The following RAPGEF1 variants were observed in gnomAD, a reference collection of about 807,000 sequenced individuals.
RAPGEF1 encodes the protein CRK SH3-binding GNRP.
In RAPGEF1, 33 loss-of-function variants were observed where a neutral mutation model predicts 143.3. The ratio of observed to expected loss-of-function variants is 0.23; its 90% CI spans 0.17 to 0.31. RAPGEF1 has a LOEUF of 0.31. Ranked by LOEUF, RAPGEF1 falls within the 10% of genes least tolerant of loss-of-function variation. The probability of loss-of-function intolerance (pLI) is 1.00; values close to 1 mark genes in which losing one functional copy is unlikely to be tolerated. For missense variants in RAPGEF1, 1,199 were observed against 1,645.4 expected (o/e 0.73, Z 4.69); for synonymous variants, 629 against 676.5 (o/e 0.93, Z 1.09).
At chr9:131,683,047 G>A (rs1278823623) in intron 1 of RAPGEF1, among the ~76,000 whole-genome samples, 2 of 152,188 alleles carry the variant, frequency 1.3e-5, no homozygotes, top group Non-Finnish European at 2.9e-5. Flanking sequence ...ACAATGGGGA[G>A]CACAAGTTCT....
intron 1 of RAPGEF1, among the ~76,000 whole-genome samples, chr9:131,688,806 G>A (rs1444183080): frequency 6.6e-6 from 1 of 152,224 alleles, no homozygotes; most frequent in Admixed American, 6.5e-5. Context: ...GCTGAGGCAG[G>A]AGAATCACTC....
chr9:131,587,661 G>A, intron 22 of RAPGEF1, 75 bp downstream of exon 22: 2 of 1,379,182 alleles, frequency 1.5e-6, no homozygotes, highest in South Asian at 2.4e-5. Context: ...CAAGCTCCCT[G>A]CAAAGGAAAA....
intron 1 of RAPGEF1, among the ~76,000 whole-genome samples, chr9:131,654,122 C>T (rs896696691): frequency 2.6e-5 from 4 of 152,038 alleles, no homozygotes; most frequent in South Asian, 2.1e-4. Context: ...TAAGACTGGA[C>T]GGGGCAGAGA....
intron 22 of RAPGEF1, among the ~76,000 whole-genome samples, chr9:131,585,113 AC>A (rs1026734775): frequency 6.6e-6 from 1 of 152,164 alleles, no homozygotes; most frequent in African/African-American, 2.4e-5. Flanking sequence ...CAGGGATGTC[AC>A]CCTGGCCTCA....
chr9:131,594,906 G>A (rs964812292), intron 17 of RAPGEF1, among the ~76,000 whole-genome samples: 5 of 152,158 alleles, frequency 3.3e-5, no homozygotes, highest in African/African-American at 7.2e-5. Context: ...TCAGCCCCTC[G>A]CTGTGGACAA....
rs970992579 is a variant in RAPGEF1 at position 131,641,714 on chromosome 9, G to A, written c.494+1525C>T. 1.3e-5 allele frequency among the ~76,000 whole-genome samples: 2 copies of A among 152,190 alleles called. No individual in the cohort carries two copies. Among genetic ancestry groups the A allele is most frequent in the Non-Finnish European group, 2.9e-5 (2 of 68,032 alleles). On this transcript the variant is annotated intron_variant, in intron 4 of 26. Coordinates refer to ENST00000683357, the MANE Select transcript of RAPGEF1 (RefSeq NM_001377935.1). This position sits in a 1 kb window ranked among gnomAD's most constrained non-coding sequence, Gnocchi z 4.6. ...CAGCACATGCGCTCCTAGGAGCCCA[G>A]CACCGAACACTTCTAAGAGCCGGAG...
rs1438680484 is a variant in RAPGEF1 at position 131,638,705 on chromosome 9, A to G, written c.581T>C (p.Val194Ala). The change falls in exon 5 of 27, where the codon GTG becomes GCG. Residue 194 changes from valine to alanine, a missense_variant. Val to Ala is a moderately conservative substitution (Grantham distance 64). Coordinates refer to ENST00000683357, the MANE Select transcript of RAPGEF1 (RefSeq NM_001377935.1). The stretch of plus-strand genomic sequence containing the variant: ...CACCATCTCCTTGTCTTCTGAGTTC[A>G]CGCCTTCCAGCATCACTTGGTCAGA... ...RWSDQVMLEG[V>A]NSEDKEMVTT... 6 of 1,613,862 alleles carry G rather than the reference A, an allele frequency of 3.7e-6. No homozygotes were observed. Among genetic ancestry groups the G allele is most frequent in the Non-Finnish European group, 5.1e-6 (6 of 1,179,888 alleles).
rs867547918 is a variant in RAPGEF1 at position 131,586,816 on chromosome 9, A to C, written c.3233+920T>G. The stretch of plus-strand genomic sequence containing the variant: ...GTCAAACACACACACACACACACAC[A>C]CCTGCAGAGCGAGACTCCGTCTCAA... On this transcript the variant is annotated intron_variant, in intron 22 of 26. Coordinates refer to ENST00000683357, the MANE Select transcript of RAPGEF1 (RefSeq NM_001377935.1). Among the ~76,000 whole-genome samples, 12 of 115,096 alleles carry C rather than the reference A, an allele frequency of 1.0e-4. 1 individual carries two copies. The highest frequency in any genetic ancestry group is 5.0e-4 in the East Asian group (2 of 3,966). 75.5% of individuals were successfully genotyped at this position (115,096 alleles called of 152,430 possible). A position where few individuals can be genotyped will look rare whatever the true frequency, so the allele number is the denominator to read the frequency against.
chr9:131,697,482 T>C (rs1278405641), intron 1 of RAPGEF1, among the ~76,000 whole-genome samples: 2 of 152,178 alleles, frequency 1.3e-5, no homozygotes, highest in African/African-American at 4.8e-5. Context: ...GTTTTGACGC[T>C]TGAATTAGGA....
intron 15 of RAPGEF1, among the ~76,000 whole-genome samples, chr9:131,599,163 A>C (rs1171824249): frequency 7.3e-6 from 1 of 136,572 alleles, no homozygotes. Flanking sequence ...CTCCCTCTGT[A>C]GCCCAGGCTG....
chr9:131,711,565 C>T (rs1835509478), intron 1 of RAPGEF1, among the ~76,000 whole-genome samples: 1 of 151,700 alleles, frequency 6.6e-6, no homozygotes. Flanking sequence ...GCCACGTTGG[C>T]CAGGCTGGTC....
chr9:131,645,395 G>C (rs970975342), intron 3 of RAPGEF1, among the ~76,000 whole-genome samples: 1 of 152,230 alleles, frequency 6.6e-6, no homozygotes, highest in African/African-American at 2.4e-5. Context: ...TGGCTAATCT[G>C]AAGATGGGAG....
intron 1 of RAPGEF1, among the ~76,000 whole-genome samples, chr9:131,683,949 C>T (rs921188577): frequency 2.0e-5 from 3 of 152,234 alleles, no homozygotes; most frequent in African/African-American, 4.8e-5. Context: ...CATTAGGGCT[C>T]GTACACTTCT....
intron 10 of RAPGEF1, among the ~76,000 whole-genome samples, chr9:131,624,007 C>T (rs1300832024): frequency 1.3e-5 from 2 of 152,174 alleles, no homozygotes; most frequent in Non-Finnish European, 2.9e-5. Context: ...AAGTTTGGGG[C>T]TCTTTCACAG....
At chr9:131,600,223 T>C (rs558325175) in intron 15 of RAPGEF1, among the ~76,000 whole-genome samples, 2 of 152,330 alleles carry the variant, frequency 1.3e-5, no homozygotes, top group South Asian at 2.1e-4. Flanking sequence ...ATGTTCACCC[T>C]GTGGTTTGGC....
rs982940843 is a variant in RAPGEF1 at position 131,577,799 on chromosome 9, A to C, written c.*1698T>G. The C allele has an allele frequency of 6.6e-6, 1 of 152,198 alleles. No individual in the cohort carries two copies. The highest frequency in any genetic ancestry group is 6.5e-5 in the Admixed American group (1 of 15,276). The allele number at this position is 152,198 out of a possible 1,614,324, so 9.4% of individuals were successfully genotyped here. ...CCGGCTGGCCCCGCAAGACCACCGC[A>C]AGAGGGGGTCCCGCCACCAGAGGGG... On this transcript the variant is annotated 3_prime_UTR_variant, in exon 27 of 27. Coordinates refer to ENST00000683357, the MANE Select transcript of RAPGEF1 (RefSeq NM_001377935.1).
intron 1 of RAPGEF1, among the ~76,000 whole-genome samples, chr9:131,701,512 T>C (rs192502732): frequency 2.8e-4 from 42 of 152,318 alleles, no homozygotes; most frequent in African/African-American, 1.0e-3. Context: ...GCCTGGCAAA[T>C]AGGAAGCCAC....
intron 1 of RAPGEF1, among the ~76,000 whole-genome samples, chr9:131,660,621 C>T (rs1390709485): frequency 2.0e-5 from 3 of 152,118 alleles, no homozygotes; most frequent in Non-Finnish European, 4.4e-5. Flanking sequence ...CTCAAGCTGG[C>T]CTGTCTGCGC....
intron 1 of RAPGEF1, among the ~76,000 whole-genome samples, chr9:131,724,732 T>C (rs960300020): frequency 6.6e-6 from 1 of 152,110 alleles, no homozygotes; most frequent in Non-Finnish European, 1.5e-5. Flanking sequence ...ATGGATGAAA[T>C]GAGTTCTGAC....
Sources: allele counts gnomAD v4.1 joint callset (sites outside exome capture counted in the v4.1 genomes callset), GRCh38; gene constraint gnomAD v4.1.1; non-coding constraint Gnocchi (gnomAD v3.1); transcripts MANE v1.5; gene names NCBI Gene and HGNC (gene_info 2026-07-23, HGNC 2026-07-21).